ERC1: variants seen among roughly 807,000 people sequenced by gnomAD.
ERC1 encodes the protein RAB6 interacting protein 2.
Under a neutral mutation model 132.0 loss-of-function variants are expected in ERC1, and 56 were observed. The observed-to-expected ratio is 0.42, with a 90% confidence interval of 0.34 to 0.53. ERC1 has a LOEUF of 0.53. Ranked by LOEUF, ERC1 falls within the 20% of genes least tolerant of loss-of-function variation. The probability of loss-of-function intolerance (pLI) is 0.03; values close to 1 mark genes in which losing one functional copy is unlikely to be tolerated. For synonymous variants in ERC1, 478 were observed against 476.1 expected (o/e 1.00, Z -0.05); for missense variants, 1,202 against 1,349.9 (o/e 0.89, Z 1.72).
chr12:1,476,178 C>G (rs2093969504), intron 18 of ERC1, among the ~76,000 whole-genome samples: 1 of 151,814 alleles, frequency 6.6e-6, no homozygotes, highest in Non-Finnish European at 1.5e-5. Context: ...ATGGCATGAA[C>G]CCGGGAGGCA....
chr12:1,360,710 T>C (rs2086007270), intron 15 of ERC1, among the ~76,000 whole-genome samples: 4 of 152,192 alleles, frequency 2.6e-5, no homozygotes, highest in Admixed American at 2.6e-4. Context: ...CCCTGAAGAA[T>C]ATATCTTTCA....
chr12:1,354,958 C>A (rs2085382504), intron 15 of ERC1, among the ~76,000 whole-genome samples: 1 of 152,174 alleles, frequency 6.6e-6, no homozygotes, highest in South Asian at 2.1e-4. Flanking sequence ...CACCACTTCC[C>A]AAACTGTTTT....
intron 2 of ERC1, among the ~76,000 whole-genome samples, chr12:1,079,152 A>T (rs1941825064): frequency 7.0e-6 from 1 of 142,816 alleles, no homozygotes; most frequent in East Asian, 2.0e-4. Context: ...TGACAAGTCG[A>T]TATACAGAGA....
At chr12:1,215,258 A>T (rs1474400838) in intron 12 of ERC1, among the ~76,000 whole-genome samples, 1 of 152,150 alleles carries the variant, frequency 6.6e-6, no homozygotes, top group Non-Finnish European at 1.5e-5. Context: ...GTTGCTTTTT[A>T]TCCAAGCAGA....
At position 1,028,508 on chromosome 12, in the gene ERC1, A is replaced by G. The variant is rs745507164; in HGVS notation, c.605A>G (p.Lys202Arg). ...CTGAAGAAGGAACGAGCCCTGAGAA[A>G]AGATGAAGCTTCCAAAATCACCATT... ...PELKKERALR[K>R]DEASKITIWK... The change falls in exon 2 of 19, where the codon AAA (lysine) becomes AGA (arginine). Residue 202 changes from lysine (K) to arginine (R), a missense_variant. By Grantham distance (26) the Lys-to-Arg change is conservative. Coordinates refer to ENST00000360905, the MANE Select transcript of ERC1 (RefSeq NM_178040.4). 2 of 1,614,170 alleles carry G rather than the reference A, an allele frequency of 1.2e-6. No homozygotes were observed. The highest frequency in any genetic ancestry group is 1.7e-6 in the Non-Finnish European group (2 of 1,180,036).
chr12:1,073,249 T>C (rs61918742), intron 2 of ERC1, among the ~76,000 whole-genome samples: 34,529 of 149,706 alleles, frequency 0.23, 4,354 homozygotes, highest in Middle Eastern at 0.3. Context: ...TGCAGTGAGC[T>C]GAGATCACGC....
chr12:1,194,083 TTAG>T, intron 12 of ERC1, among the ~76,000 whole-genome samples: 1 of 152,200 alleles, frequency 6.6e-6, no homozygotes, highest in Non-Finnish European at 1.5e-5. Flanking sequence ...GAGTTTCTAT[TTAG>T]ATTAATAGTG....
At chr12:1,025,269 CA>C (rs1966845154) in intron 1 of ERC1, among the ~76,000 whole-genome samples, 1 of 152,166 alleles carries the variant, frequency 6.6e-6, no homozygotes, top group South Asian at 2.1e-4. Flanking sequence ...AAAGCCTCCA[CA>C]AACATTTTTC....
rs191315530 is a variant in ERC1, at chr12:1,215,891, G to A, written c.2352-20878G>A. Among the ~76,000 whole-genome samples the A allele has an allele frequency of 2.3e-3, 302 of 132,040 alleles. 1 individual carries two copies. Among genetic ancestry groups the A allele is most frequent in the African/African-American group, 9.4e-3 (287 of 30,488 alleles). 86.6% of individuals were successfully genotyped at this position (132,040 alleles called of 152,430 possible). A position where few individuals can be genotyped will look rare whatever the true frequency, so the allele number is the denominator to read the frequency against. ...ATATGGATTTTATTACGTAATTAGT[G>A]TGAATCCAAAAAAAGCAAAAAGTGT... On this transcript the variant is annotated intron_variant, in intron 12 of 18. Coordinates refer to ENST00000360905, the MANE Select transcript of ERC1 (RefSeq NM_178040.4).
chr12:1,061,987 TTC>T, intron 2 of ERC1, among the ~76,000 whole-genome samples: 1 of 146,052 alleles, frequency 6.8e-6, no homozygotes, highest in Non-Finnish European at 1.5e-5. Context: ...TCTTCTTTTC[TTC>T]TTTTTTTTTT....
intron 15 of ERC1, among the ~76,000 whole-genome samples, chr12:1,311,604 G>A (rs1365899684): frequency 6.6e-6 from 1 of 151,704 alleles, no homozygotes. Flanking sequence ...TTTTTTCTAT[G>A]TATGTGAAGT....
chr12:1,198,339 A>G (rs1425916290), intron 12 of ERC1, among the ~76,000 whole-genome samples: 1 of 152,234 alleles, frequency 6.6e-6, no homozygotes. Flanking sequence ...TTTGGATCCT[A>G]AACTATTAAT....
chr12:1,418,867 C>G (rs1461538282), intron 17 of ERC1, among the ~76,000 whole-genome samples: 1 of 151,842 alleles, frequency 6.6e-6, no homozygotes, highest in Non-Finnish European at 1.5e-5. Flanking sequence ...CGTGTACCAC[C>G]ATGCCCTGCT....
At chr12:1,065,504 G>GTGTGTGTT (rs1371682981) in intron 2 of ERC1, among the ~76,000 whole-genome samples, 1 of 150,760 alleles carries the variant, frequency 6.6e-6, no homozygotes, top group East Asian at 1.9e-4. Context: ...GTGTGTGTGT[G>GTGTGTGTT]TGTGTGTGTG....
chr12:1,010,931 G>A (rs759516769), intron 1 of ERC1, among the ~76,000 whole-genome samples: 18 of 152,078 alleles, frequency 1.2e-4, no homozygotes, highest in African/African-American at 3.9e-4. Context: ...GTACCCATGC[G>A]TTATATACAC....
chr12:1,374,824 A>ATTTTTTTTTTTTTTTT (rs5795968), intron 16 of ERC1, among the ~76,000 whole-genome samples: 1 of 124,578 alleles, frequency 8.0e-6, no homozygotes. Context: ...ACAGGCTGGG[A>ATTTTTTTTTTTTTTTT]TTTTTTTTTT....
intron 14 of ERC1, among the ~76,000 whole-genome samples, chr12:1,286,455 A>C (rs1386508475): frequency 6.6e-6 from 1 of 152,122 alleles, no homozygotes. Context: ...AATTTCCTTA[A>C]CTTAATAAAG....
At chr12:1,404,691 C>T (rs1040349353) in intron 16 of ERC1, among the ~76,000 whole-genome samples, 3 of 152,136 alleles carry the variant, frequency 2.0e-5, no homozygotes, top group Non-Finnish European at 4.4e-5. Context: ...GGGATGCATA[C>T]ACAGGTTTGT....
At chr12:1,196,981 T>TA (rs1956385575) in intron 12 of ERC1, among the ~76,000 whole-genome samples, 1 of 63,302 alleles carries the variant, frequency 1.6e-5, no homozygotes, top group Admixed American at 1.3e-4. Flanking sequence ...TATATATTTT[T>TA]TTTTTTTTTT....
Sources: allele counts gnomAD v4.1 joint callset (sites outside exome capture counted in the v4.1 genomes callset), GRCh38; gene constraint gnomAD v4.1.1; transcripts MANE v1.5; gene names NCBI Gene and HGNC (gene_info 2026-07-23, HGNC 2026-07-21).